Variants in DST observed in about 807,000 individuals in gnomAD.
DST encodes bullous pemphigoid antigen.
In DST, 253 loss-of-function variants were observed where a neutral mutation model predicts 875.2. The observed-to-expected ratio is 0.29, with a 90% CI of 0.26 to 0.32. The LOEUF (loss-of-function observed/expected upper bound fraction) is 0.32. Ranked by LOEUF, DST falls within the 10% of genes least tolerant of loss-of-function variation. DST has a pLI of 1.00. For synonymous variants in DST, 3,124 were observed against 3,197.1 expected (o/e 0.98, Z 0.77); for missense variants, 8,287 against 9,111.6 (o/e 0.91, Z 3.68).
At chr6:56,651,546 C>T (rs545433948) in intron 10 of DST, among the ~76,000 whole-genome samples, 2 of 152,194 alleles carry the variant, frequency 1.3e-5, no homozygotes, top group Non-Finnish European at 2.9e-5. Context: ...ATTTAAGCTA[C>T]GCTACTCCAA....
intron 4 of DST, among the ~76,000 whole-genome samples, chr6:56,786,180 CAATT>C (rs767720075): frequency 2.6e-5 from 4 of 152,040 alleles, no homozygotes; most frequent in Non-Finnish European, 5.9e-5. Flanking sequence ...TGAAGAAAAA[CAATT>C]AAAGAGTCTA....
At position 56,642,009 on chromosome 6, in the gene DST, A is replaced by T; in HGVS notation, c.1965T>A (p.His655Gln). Residue 655 changes from histidine (H) to glutamine (Q), a missense_variant, in exon 17 of 104, where the codon CAT (histidine) becomes CAA (glutamine). This residue lies in a region of DST where 1,160 missense variants were observed against 1,424.3 expected (regional missense o/e 0.81). Transcript: ENST00000680361. ...CAATAAGAATCTGTACATCAATTAC[A>T]TGCTGGCGTAAAAGGTTCTCACATT... ...ILECENLLRQ[H>Q]VIDVQILIDG... 6.2e-7 allele frequency: 1 copy of T among 1,613,470 alleles called. No individual in the cohort carries two copies. Among genetic ancestry groups the T allele is most frequent in the Non-Finnish European group, 8.5e-7 (1 of 1,179,560 alleles).
intron 4 of DST, among the ~76,000 whole-genome samples, chr6:56,841,348 C>A (rs2099799747): frequency 6.6e-6 from 1 of 152,128 alleles, no homozygotes; most frequent in Non-Finnish European, 1.5e-5. Flanking sequence ...ATGAACTAAG[C>A]ATTTTAAAAA....
intron 3 of DST, among the ~76,000 whole-genome samples, chr6:56,877,188 C>T (rs1461177212): frequency 1.3e-5 from 2 of 152,170 alleles, no homozygotes; most frequent in Non-Finnish European, 2.9e-5. Flanking sequence ...ATCATCCCAC[C>T]CCAACACTAT....
intron 3 of DST, among the ~76,000 whole-genome samples, chr6:56,858,348 A>C (rs1037018440): frequency 6.9e-6 from 1 of 144,882 alleles, no homozygotes; most frequent in South Asian, 2.1e-4. Flanking sequence ...TGGAATTTAG[A>C]ACACAAACTC....
chr6:56,625,397 A>G, intron 34 of DST, 133 bp from the exon 35 acceptor site: 1 of 659,562 alleles, frequency 1.5e-6, no homozygotes, highest in Admixed American at 2.5e-5. Context: ...AGATCATTAG[A>G]ACCTAGATTC....
chr6:56,852,034 G>T, intron 3 of DST: 1 of 1,426,264 alleles, frequency 7.0e-7, no homozygotes, highest in Non-Finnish European at 9.1e-7. Flanking sequence ...CAACTAACTC[G>T]AAGTTTCGAA....
chr6:56,930,359 C>T (rs1809521202), intron 2 of DST, among the ~76,000 whole-genome samples: 1 of 152,186 alleles, frequency 6.6e-6, no homozygotes, highest in Non-Finnish European at 1.5e-5. Context: ...TTTTTCCTAA[C>T]CTTTTATCAG....
At chr6:56,623,970 G>A (rs943983423) in intron 36 of DST, among the ~76,000 whole-genome samples, 11 of 150,898 alleles carry the variant, frequency 7.3e-5, no homozygotes, top group Non-Finnish European at 1.5e-4. Context: ...TAAATGCCAT[G>A]TGCTATATCT....
Position 56,458,789 on chromosome 6 carries a change from C to G in DST, c.*216G>C. 2.1e-6 allele frequency: 1 copy of G among 473,222 alleles called. No individual in the cohort carries two copies. The highest frequency in any genetic ancestry group is 3.6e-6 in the Non-Finnish European group (1 of 278,666). 29.3% of individuals were successfully genotyped at this position (473,222 alleles called of 1,614,324 possible). A position where few individuals can be genotyped will look rare whatever the true frequency, so the allele number is the denominator to read the frequency against. ...TGCAGAAATGTTAGTTCATGTTAAA[C>G]TTTTCCTCCTCACATATGATGTGAC... On this transcript the variant is annotated 3_prime_UTR_variant, in exon 104 of 104. Coordinates refer to ENST00000680361, the MANE Select transcript of DST (RefSeq NM_001374736.1).
At chr6:56,879,282 C>T (rs1273511677) in intron 3 of DST, among the ~76,000 whole-genome samples, 1 of 151,958 alleles carries the variant, frequency 6.6e-6, no homozygotes, top group East Asian at 1.9e-4. Context: ...TCCTGGCTAA[C>T]ACGGTGAAAC....
chr6:56,594,929 T>A (rs2098344384), intron 47 of DST, among the ~76,000 whole-genome samples: 1 of 152,172 alleles, frequency 6.6e-6, no homozygotes, highest in Non-Finnish European at 1.5e-5. Flanking sequence ...AAGGCAGGGC[T>A]CCCAGGCAGG....
chr6:56,799,279 C>T (rs2099743961), intron 4 of DST, among the ~76,000 whole-genome samples: 1 of 151,984 alleles, frequency 6.6e-6, no homozygotes, highest in Non-Finnish European at 1.5e-5. Flanking sequence ...TGCTTGAGTC[C>T]AGGAGTTCTG....
At chr6:56,569,053 T>C (rs2097730285) in intron 54 of DST, among the ~76,000 whole-genome samples, 1 of 152,050 alleles carries the variant, frequency 6.6e-6, no homozygotes, top group African/African-American at 2.4e-5. Flanking sequence ...TCGGGCGAGG[T>C]GGCTCACACC....
rs759000295 is a variant in DST, at chr6:56,501,143, T to C, written c.19833A>G (p.Leu6611=). The change falls in exon 80 of 104, where the codon CTA becomes CTG. Residue 6611 remains leucine (L), a synonymous_variant. Coordinates refer to ENST00000680361, the MANE Select transcript of DST (RefSeq NM_001374736.1). ...LAWLTHTEGL[L]SEQKPVGGDP... ...CTCCTCCAACAGGTTTCTGCTCACT[T>C]AGCAAGCCCTCGGTGTGTGTCAGCC... 2.5e-6 allele frequency: 4 copies of C among 1,612,724 alleles called. No individual in the cohort carries two copies. The East Asian group carries it at 8.9e-5, about 36-fold the overall frequency.
At chr6:56,894,934 C>A (rs1471782183) in intron 3 of DST, among the ~76,000 whole-genome samples, 1 of 70,956 alleles carries the variant, frequency 1.4e-5, no homozygotes. Context: ...GGCGGCCGGG[C>A]AGAGGCGCCC....
intron 50 of DST, among the ~76,000 whole-genome samples, chr6:56,574,594 C>A (rs1271963228): frequency 6.6e-6 from 1 of 151,974 alleles, no homozygotes; most frequent in Non-Finnish European, 1.5e-5. Context: ...ACAGGCTAAC[C>A]TATCTCATAT....
chr6:56,606,544 A>G lies in DST; in HGVS notation c.8084T>C (p.Val2695Ala), dbSNP rs191739242. ...AHCLQDFLMDVEKDELDSGEK... is the reference protein window; with the variant it reads ...AHCLQDFLMDAEKDELDSGEK... ...ACCAGAATCTAATTCATCTTTCTCAACATCCATAAGGAAATCCTGAAGACA... is the reference window on the plus strand; with the variant it reads ...ACCAGAATCTAATTCATCTTTCTCAGCATCCATAAGGAAATCCTGAAGACA... Residue 2695 changes from valine (V) to alanine (A), a missense_variant, in exon 40 of 104, where the codon GTT (valine) becomes GCT (alanine). Physicochemically the swap from Val to Ala is moderately conservative, Grantham distance 64. Coordinates refer to ENST00000680361, the MANE Select transcript of DST (RefSeq NM_001374736.1). The G allele has an allele frequency of 1.6e-5, 26 of 1,613,518 alleles. No individual in the cohort carries two copies. The Admixed American group carries it at 2.7e-4, about 17-fold the overall frequency.
intron 4 of DST, among the ~76,000 whole-genome samples, chr6:56,752,626 C>T (rs1000607878): frequency 1.3e-5 from 2 of 152,166 alleles, no homozygotes; most frequent in African/African-American, 4.8e-5. Context: ...ATTTGGGACT[C>T]ATCCACACTA....
Sources: allele counts gnomAD v4.1 joint callset (sites outside exome capture counted in the v4.1 genomes callset), GRCh38; gene constraint gnomAD v4.1.1; regional missense constraint gnomAD v4.1.1; transcripts MANE v1.5; gene names NCBI Gene and HGNC (gene_info 2026-07-23, HGNC 2026-07-21).